ATF6: variants seen among roughly 807,000 people sequenced by gnomAD.
ATF6 encodes the protein cyclic AMP-dependent transcription factor ATF-6 alpha.
In ATF6, 53 loss-of-function variants were observed where a neutral mutation model predicts 83.6. That is an observed-to-expected ratio of 0.63 (90% confidence interval 0.51 to 0.80). The LOEUF (loss-of-function observed/expected upper bound fraction) is 0.80. Among genes scored for constraint, ATF6 ranks in the 30% least tolerant of loss-of-function variants. The probability of loss-of-function intolerance (pLI) is 0.00; values close to 1 mark genes in which losing one functional copy is unlikely to be tolerated. For synonymous variants in ATF6, 288 were observed against 285.8 expected, an observed-to-expected ratio of 1.01 and a Z score of -0.08; for missense variants, 744 against 797.9, an observed-to-expected ratio of 0.93 and a Z score of 0.81.
At position 161,767,574 on chromosome 1, in the gene ATF6, C is replaced by T. The variant is rs1684293983; in HGVS notation, c.82+1132C>T. Among the ~76,000 whole-genome samples the T allele has an allele frequency of 2.0e-5, 3 of 152,150 alleles. No individual in the cohort carries two copies. In the South Asian group the frequency reaches 6.2e-4, roughly 32 times the overall value. On this transcript the variant is annotated intron_variant, in intron 1 of 15. Coordinates refer to ENST00000367942, the MANE Select transcript of ATF6 (RefSeq NM_007348.4). ...TATTTTGTTTAATCCTACCAACAGT[C>T]CAATGAGGTACTGTTTATTTTAGAG...
At chr1:161,861,557 TG>T (rs1198313039) in intron 13 of ATF6, among the ~76,000 whole-genome samples, 1 of 152,236 alleles carries the variant, frequency 6.6e-6, no homozygotes, top group Non-Finnish European at 1.5e-5. Flanking sequence ...ATGGTTATAA[TG>T]GCATGGTATT....
intron 9 of ATF6, among the ~76,000 whole-genome samples, chr1:161,833,543 A>G (rs1447856151): frequency 6.6e-6 from 1 of 152,240 alleles, no homozygotes; most frequent in East Asian, 1.9e-4. Flanking sequence ...AGAATAACCA[A>G]TGCAGAGAAG....
chr1:161,842,906 G>T lies in ATF6; in HGVS notation c.1188-3543G>T, dbSNP rs572235510. Reference sequence around the variant, plus strand: ...ACAGTTCAAAAACAATCACAAATATGGCAGGCTTGCTGAGAGCTTTCATAC... The same window carrying T: ...ACAGTTCAAAAACAATCACAAATATTGCAGGCTTGCTGAGAGCTTTCATAC... On this transcript the variant is annotated intron_variant, in intron 9 of 15. Coordinates refer to ENST00000367942, the MANE Select transcript of ATF6 (RefSeq NM_007348.4). Among the ~76,000 whole-genome samples the T allele has an allele frequency of 1.5e-3, 228 of 152,312 alleles. 1 individual carries two copies. The highest frequency in any genetic ancestry group is 6.8e-3 in the Middle Eastern group (2 of 294).
intron 10 of ATF6, among the ~76,000 whole-genome samples, chr1:161,847,574 T>A (rs1490639017): frequency 2.0e-5 from 3 of 152,116 alleles, no homozygotes; most frequent in Admixed American, 6.6e-5. Flanking sequence ...ATTTCCTGCT[T>A]TTTTACATGC....
chr1:161,836,290 G>A (rs1055904514), intron 9 of ATF6, among the ~76,000 whole-genome samples: 4 of 152,110 alleles, frequency 2.6e-5, no homozygotes, highest in East Asian at 1.9e-4. Context: ...AGCACATTTC[G>A]CCATATGATA....
intron 14 of ATF6, among the ~76,000 whole-genome samples, chr1:161,892,613 G>A (rs927637993): frequency 8.1e-5 from 12 of 148,584 alleles, no homozygotes; most frequent in African/African-American, 3.0e-4. Flanking sequence ...TCCCTCTCAG[G>A]TTATACAGGT....
chr1:161,869,033 G>C (rs916114411), intron 14 of ATF6, among the ~76,000 whole-genome samples: 3 of 151,786 alleles, frequency 2.0e-5, no homozygotes, highest in South Asian at 2.1e-4. Flanking sequence ...GTAGGAGCCA[G>C]AAACTTGAAA....
In ATF6 at chr1:161,810,159, C is replaced by T. The variant is rs111513548; in HGVS notation, c.909+7887C>T. On this transcript the variant is annotated intron_variant, in intron 7 of 15. Coordinates refer to ENST00000367942, the MANE Select transcript of ATF6 (RefSeq NM_007348.4). The stretch of plus-strand genomic sequence containing the variant: ...CCTATATTAGTCAGTTCTCACACTT[C>T]TATAAAGAAATACCTGAAACTGAGT... Among the ~76,000 whole-genome samples, 270 of 152,218 alleles carry T rather than the reference C, an allele frequency of 1.8e-3. 1 individual carries two copies. The highest frequency in any genetic ancestry group is 6.0e-3 in the African/African-American group (249 of 41,528).
Position 161,802,271 on chromosome 1 carries a change from A to T in ATF6, c.908A>T (p.Asp303Val). 1 of 1,613,500 alleles carries T rather than the reference A, an allele frequency of 6.2e-7. No homozygotes were observed. Among genetic ancestry groups the T allele is most frequent in the Non-Finnish European group, 8.5e-7 (1 of 1,179,572 alleles). The change falls in exon 7 of 16, where the codon GAT becomes GTT. Residue 303 changes from aspartate to valine, a missense_variant and splice_region_variant. Physicochemically the swap from Asp to Val is radical, Grantham distance 152 (BLOSUM62 -3). Transcript: ENST00000367942. ...LQSTMRNVGS[D>V]IAVLRRQQRM... is the part of the protein sequence containing the mutation. ...AGTACCATGAGAAATGTCGGTTCAG[A>T]TGTAAGTTTTGAAACTTAGTGCTTC...
chr1:161,843,009 T>C (rs945877876), intron 9 of ATF6, among the ~76,000 whole-genome samples: 8 of 152,232 alleles, frequency 5.3e-5, no homozygotes, highest in African/African-American at 1.9e-4. Context: ...TATTTTCCAA[T>C]GCGTTTATTG....
In ATF6 at chr1:161,846,476, G is replaced by A; in HGVS notation, c.1215G>A (p.Met405Ile). 1 of 1,608,306 alleles carries A rather than the reference G, an allele frequency of 6.2e-7. No individual in the cohort carries two copies. ...MSMLEQDSRRMNPSVSPANQR... is the reference protein window; with the variant it reads ...MSMLEQDSRRINPSVSPANQR... ...TGTTGGAACAGGATTCCAGGAGAAT[G>A]AACCCTAGTGTGAGCCCTGCAAATC... is the stretch of plus-strand genomic sequence containing the variant. Residue 405 changes from methionine to isoleucine, a missense_variant, in exon 10 of 16, where the codon ATG becomes ATA. Physicochemically the swap from Met to Ile is conservative, Grantham distance 10. Transcript: ENST00000367942.
rs190577975 is a variant in ATF6 at position 161,797,052 on chromosome 1, G to A, written c.688+4725G>A. Among the ~76,000 whole-genome samples, 198 of 151,798 alleles carry A rather than the reference G, an allele frequency of 1.3e-3. 1 individual carries two copies. The highest frequency in any genetic ancestry group is 3.4e-3 in the Middle Eastern group (1 of 294). ...TTATGTGTTTCTAATTTTTATTTGC[G>A]TATTTGGCCTAAGCATGTTTATATC... On this transcript the variant is annotated intron_variant, in intron 6 of 15. Transcript: ENST00000367942.
chr1:161,870,562 G>A (rs149116011), intron 14 of ATF6, among the ~76,000 whole-genome samples: 61 of 151,790 alleles, frequency 4.0e-4, no homozygotes, highest in African/African-American at 1.3e-3. Context: ...TGTATATGGC[G>A]TGCTAGATCT....
rs926917453 is a variant in ATF6, at chr1:161,780,431, T to G, written c.160-1481T>G. Among the ~76,000 whole-genome samples, 7 of 151,988 alleles carry G rather than the reference T, an allele frequency of 4.6e-5. No individual in the cohort carries two copies. The East Asian group carries it at 1.4e-3, about 29-fold the overall frequency. On this transcript the variant is annotated intron_variant, in intron 2 of 15. Coordinates refer to ENST00000367942, the MANE Select transcript of ATF6 (RefSeq NM_007348.4). ...CTCTGTCGCCCAGGCTGGAGTGCAG[T>G]GGCGCAATCTCGGCTCACTGTAAGC... is the stretch of plus-strand genomic sequence containing the variant.
At chr1:161,814,827 T>C (rs541034005) in intron 7 of ATF6, among the ~76,000 whole-genome samples, 12 of 152,344 alleles carry the variant, frequency 7.9e-5, no homozygotes, top group African/African-American at 2.9e-4. Flanking sequence ...TAAAGTAGGA[T>C]TGCCACAAAT....
intron 9 of ATF6, among the ~76,000 whole-genome samples, chr1:161,826,928 C>G (rs1193701413): frequency 8.2e-6 from 1 of 121,216 alleles, no homozygotes; most frequent in Admixed American, 1.1e-4. Flanking sequence ...TTTGATTGGC[C>G]CCATTTTTTT....
intron 1 of ATF6, among the ~76,000 whole-genome samples, chr1:161,772,669 C>G (rs1442310104): frequency 6.6e-6 from 1 of 151,932 alleles, no homozygotes; most frequent in Non-Finnish European, 1.5e-5. Flanking sequence ...AGCATTTCCC[C>G]TCTCTACTAG....
intron 1 of ATF6, among the ~76,000 whole-genome samples, chr1:161,771,870 C>T (rs1684396945): frequency 6.6e-6 from 1 of 152,180 alleles, no homozygotes; most frequent in Admixed American, 6.5e-5. Context: ...ATTTCAGTAT[C>T]CTTAGAGAAG....
chr1:161,879,301 G>A (rs1042279540), intron 14 of ATF6, among the ~76,000 whole-genome samples: 1 of 152,088 alleles, frequency 6.6e-6, no homozygotes, highest in African/African-American at 2.4e-5. Flanking sequence ...TTGGCCAGTG[G>A]GATAGTGAGC....
Sources: allele counts gnomAD v4.1 joint callset (sites outside exome capture counted in the v4.1 genomes callset), GRCh38; gene constraint gnomAD v4.1.1; transcripts MANE v1.5; gene names NCBI Gene and HGNC (gene_info 2026-07-23, HGNC 2026-07-21).